Variants in GRM7 observed in about 807,000 individuals in gnomAD.
GRM7 encodes the protein metabotropic glutamate receptor 7.
In GRM7, 35 loss-of-function variants were observed where a neutral mutation model predicts 84.5. The observed-to-expected ratio is 0.41, with a 90% CI of 0.32 to 0.55. GRM7 has a LOEUF of 0.55. Ranked by LOEUF, GRM7 falls within the 20% of genes least tolerant of loss-of-function variation. The pLI, the probability that GRM7 is intolerant of heterozygous loss-of-function variation, is 0.19. For missense variants in GRM7, 1,003 were observed against 1,194.6 expected, an observed-to-expected ratio of 0.84 and a Z score of 2.36; for synonymous variants, 487 against 455.1, an observed-to-expected ratio of 1.07 and a Z score of -0.89.
intron 8 of GRM7, among the ~76,000 whole-genome samples, chr3:7,630,455 C>T (rs1361980132): frequency 6.6e-6 from 1 of 152,136 alleles, no homozygotes; most frequent in South Asian, 2.1e-4. Context: ...TTGAGCTCAA[C>T]CCCTAAGTTG....
At chr3:6,912,548 T>G (rs1355464404) in intron 1 of GRM7, among the ~76,000 whole-genome samples, 1 of 152,182 alleles carries the variant, frequency 6.6e-6, no homozygotes, top group African/African-American at 2.4e-5. Flanking sequence ...ATGAATATTT[T>G]GATAACAGAA....
chr3:6,970,734 C>A (rs1477184579), intron 1 of GRM7, among the ~76,000 whole-genome samples: 2 of 152,170 alleles, frequency 1.3e-5, no homozygotes, highest in African/African-American at 4.8e-5. Context: ...AATCCCAGCA[C>A]TTTGGGAGGC....
chr3:7,526,596 G>C (rs1700816211), intron 7 of GRM7, among the ~76,000 whole-genome samples: 1 of 151,870 alleles, frequency 6.6e-6, no homozygotes, highest in African/African-American at 2.4e-5. Context: ...TAAATTCATT[G>C]CCTAGGCTGA....
chr3:7,616,103 A>G (rs1222056599), intron 8 of GRM7, among the ~76,000 whole-genome samples: 1 of 152,098 alleles, frequency 6.6e-6, no homozygotes, highest in African/African-American at 2.4e-5. Context: ...ACCATGTTCA[A>G]TAATGCTCTA....
At chr3:7,498,318 G>A (rs1240220281) in intron 7 of GRM7, among the ~76,000 whole-genome samples, 1 of 152,172 alleles carries the variant, frequency 6.6e-6, no homozygotes, top group Non-Finnish European at 1.5e-5. Context: ...GTTTAGAGTT[G>A]GGGACAGTAA....
rs71066011 is a variant in GRM7, at chr3:7,435,679, G to GTTTTT, written c.1175-16906_1175-16902dup. 6.7e-3 allele frequency among the ~76,000 whole-genome samples: 589 copies of GTTTTT among 88,520 alleles called. 64 individuals carry two copies. The highest frequency in any genetic ancestry group is 0.027 in the African/African-American group (560 of 20,602). 58.1% of individuals were successfully genotyped at this position (88,520 alleles called of 152,430 possible). ...AGGCCCTTGCCACCACATCCGGCTA[G>GTTTTT]TTTTTTTTTTTTTTTTTTTTTTTTT... On this transcript the variant is annotated intron_variant, in intron 5 of 9. Coordinates refer to ENST00000357716, the MANE Select transcript of GRM7 (RefSeq NM_000844.4).
chr3:7,398,964 G>T (rs1176044462), intron 4 of GRM7, among the ~76,000 whole-genome samples: 1 of 151,798 alleles, frequency 6.6e-6, no homozygotes, highest in African/African-American at 2.4e-5. Flanking sequence ...TCAAATGCGG[G>T]CATTTCCCAA....
intron 2 of GRM7, among the ~76,000 whole-genome samples, chr3:7,207,584 G>T (rs534305173): frequency 4.6e-5 from 7 of 152,098 alleles, no homozygotes; most frequent in Admixed American, 2.0e-4. Flanking sequence ...TCCTCTCTCA[G>T]ATACAAGGGG....
intron 8 of GRM7, among the ~76,000 whole-genome samples, chr3:7,644,035 C>CA (rs1559459473): frequency 6.0e-3 from 27 of 4,474 alleles, no homozygotes; most frequent in South Asian, 0.013. Context: ...CACACACACA[C>CA]CATATATAAA....
chr3:7,681,758 AC>A (rs1465101045), intron 9 of GRM7: 3 of 152,144 alleles, frequency 2.0e-5, no homozygotes, highest in Non-Finnish European at 4.4e-5. Flanking sequence ...TCAAATGTAA[AC>A]CACTCCATTT....
intron 4 of GRM7, among the ~76,000 whole-genome samples, chr3:7,383,846 CT>C (rs1211161923): frequency 6.6e-6 from 1 of 152,090 alleles, no homozygotes; most frequent in East Asian, 1.9e-4. Context: ...TTAATGTTTA[CT>C]TTTTTACGTA....
intron 4 of GRM7, among the ~76,000 whole-genome samples, chr3:7,322,994 G>T (rs192474849): frequency 3.9e-5 from 6 of 152,224 alleles, no homozygotes; most frequent in African/African-American, 1.4e-4. Context: ...TTGAGGCATT[G>T]CTTATGGAAC....
At chr3:7,231,949 G>A (rs2124902013) in intron 2 of GRM7, among the ~76,000 whole-genome samples, 1 of 152,326 alleles carries the variant, frequency 6.6e-6, no homozygotes, top group Middle Eastern at 3.4e-3. Flanking sequence ...GGAAGCTGCT[G>A]AGGGAGAGAG....
intron 1 of GRM7, among the ~76,000 whole-genome samples, chr3:7,024,095 C>T (rs1024353334): frequency 6.6e-6 from 1 of 152,148 alleles, no homozygotes; most frequent in African/African-American, 2.4e-5. Context: ...CTTTTTCTTC[C>T]AGTCTCCTCA....
rs187439729 is a variant in GRM7, at chr3:7,211,340, A to C, written c.736+64672A>C. ...TCTTGGACTTCAAATCAGATTTCTTACAGGTAAGACACCAAAATGTGTACC... is the reference window on the plus strand; with the variant it reads ...TCTTGGACTTCAAATCAGATTTCTTCCAGGTAAGACACCAAAATGTGTACC... On this transcript the variant is annotated intron_variant, in intron 2 of 9. Transcript: ENST00000357716. Among the ~76,000 whole-genome samples, 266 of 152,340 alleles carry C rather than the reference A, an allele frequency of 1.7e-3. 3 individuals carry two copies. The highest frequency in any genetic ancestry group is 0.014 in the Middle Eastern group (4 of 294).
At chr3:7,247,127 C>T (rs1387607191) in intron 2 of GRM7, among the ~76,000 whole-genome samples, 1 of 152,136 alleles carries the variant, frequency 6.6e-6, no homozygotes, top group Middle Eastern at 3.4e-3. Flanking sequence ...AAATCTTAAC[C>T]CTTGCCTCTC....
At chr3:7,533,347 C>G (rs941908556) in intron 7 of GRM7, among the ~76,000 whole-genome samples, 2 of 152,154 alleles carry the variant, frequency 1.3e-5, no homozygotes, top group African/African-American at 4.8e-5. Flanking sequence ...GAAACTCACT[C>G]AAAACCACAC....
intron 1 of GRM7, among the ~76,000 whole-genome samples, chr3:6,964,791 C>T (rs1693449909): frequency 6.6e-6 from 1 of 152,146 alleles, no homozygotes; most frequent in African/African-American, 2.4e-5. Context: ...CATGATTGTT[C>T]TTTTGTACCA....
chr3:7,064,517 T>TACACATATATATATATATATAC (rs1559415578), intron 1 of GRM7, among the ~76,000 whole-genome samples: 2 of 111,886 alleles, frequency 1.8e-5, no homozygotes, highest in South Asian at 3.0e-4. Context: ...TATATATATA[T>TACACATATATATATATATATAC]ACACACACAC....
Sources: allele counts gnomAD v4.1 joint callset (sites outside exome capture counted in the v4.1 genomes callset), GRCh38; gene constraint gnomAD v4.1.1; transcripts MANE v1.5; gene names NCBI Gene and HGNC (gene_info 2026-07-23, HGNC 2026-07-21).